Variants in KCNQ1 observed in about 807,000 individuals in gnomAD.
The protein encoded by KCNQ1 is potassium voltage-gated channel subfamily Q member 1.
KCNQ1 carries 49 observed loss-of-function variants against 72.4 expected under a neutral mutation model. The ratio of observed to expected loss-of-function variants is 0.68; its 90% CI spans 0.54 to 0.86. The LOEUF (loss-of-function observed/expected upper bound fraction) is 0.86, where lower values mean the gene tolerates loss of function less well. Ranked by LOEUF, KCNQ1 falls within the 40% of genes least tolerant of loss-of-function variation. The pLI is 0.00. For missense variants in KCNQ1, 790 were observed against 945.1 expected, an observed-to-expected ratio of 0.84 and a Z score of 2.15; for synonymous variants, 450 against 412.6, an observed-to-expected ratio of 1.09 and a Z score of -1.10.
At chr11:2,615,223 A>T (rs982460610) in intron 10 of KCNQ1, 7 of 398,064 alleles carry the variant, frequency 1.8e-5, no homozygotes, top group African/African-American at 1.4e-4. Flanking sequence ...TAGAGGCACA[A>T]ATGATTTTCT....
At position 2,775,977 on chromosome 11, in the gene KCNQ1, C is replaced by T. The variant is rs138551008; in HGVS notation, c.1608C>T (p.Tyr536=). 63 of 1,565,412 alleles carry T rather than the reference C, an allele frequency of 4.0e-5. No homozygotes were observed. In the South Asian group the frequency reaches 5.4e-4, roughly 13 times the overall value. ...TCCCGCAGCAAGCGCGGAAGCCTTA[C>T]GATGTGCGGGACGTCATTGAGCAGT... ...KKKFQQARKP[Y]DVRDVIEQYS... Residue 536 remains tyrosine, a synonymous_variant, in exon 13 of 16, where the codon TAC becomes TAT. Transcript: ENST00000155840.
Position 2,724,108 on chromosome 11 carries a change from C to A in KCNQ1, c.1515-44736C>A, listed in dbSNP as rs922700204. On this transcript the variant is annotated intron_variant, in intron 11 of 15. Transcript: ENST00000155840. The surrounding 1 kb of genome is among the most constrained non-coding windows in gnomAD (Gnocchi z 6.8). ...GGGGCCCAGGCTTTTGATAGAGAAT[C>A]ACATCTGGACCAGGACGTTCTGGTA... 1.3e-5 allele frequency among the ~76,000 whole-genome samples: 2 copies of A among 152,172 alleles called. No individual in the cohort carries two copies. The highest frequency in any genetic ancestry group is 2.9e-5 in the Non-Finnish European group (2 of 68,042).
In KCNQ1 at chr11:2,668,878, C is replaced by T. The variant is rs1000837497; in HGVS notation, c.1514+6797C>T. The T allele has an allele frequency of 1.3e-5, 5 of 398,490 alleles. No individual in the cohort carries two copies. The highest frequency in any genetic ancestry group is 2.2e-5 in the Non-Finnish European group (5 of 226,074). The allele number at this position is 398,490 out of a possible 1,614,324, so 24.7% of individuals were successfully genotyped here. A position where few individuals can be genotyped will look rare whatever the true frequency, so the allele number is the denominator to read the frequency against. Reference sequence around the variant, plus strand: ...TCCTATTTAAGAAACTTTGACTACTCCAAGGTCATAAAGATATTCTGGTTT... The same window carrying T: ...TCCTATTTAAGAAACTTTGACTACTTCAAGGTCATAAAGATATTCTGGTTT... On this transcript the variant is annotated intron_variant, in intron 11 of 15. Coordinates refer to ENST00000155840, the MANE Select transcript of KCNQ1 (RefSeq NM_000218.3). The surrounding 1 kb of genome is among the most constrained non-coding windows in gnomAD (Gnocchi z 4.3).
At chr11:2,771,570 G>A (rs1339724483) in intron 12 of KCNQ1, 1 of 152,272 alleles carries the variant, frequency 6.6e-6, no homozygotes. Flanking sequence ...ATCTTTCAGA[G>A]TGCAAAGTGA....
In KCNQ1 at chr11:2,654,778, C is replaced by A. The variant is rs1227836977; in HGVS notation, c.1394-7183C>A. ...GATGAGAAGGCAGAGGAAGTGAGAC[C>A]AGAATTTCTTGGGAACAGAAAGCCT... On this transcript the variant is annotated intron_variant, in intron 10 of 15. Transcript: ENST00000155840. The surrounding 1 kb of genome is among the most constrained non-coding windows in gnomAD (Gnocchi z 6.4). 1 of 398,554 alleles carries A rather than the reference C, an allele frequency of 2.5e-6. No homozygotes were observed. The highest frequency in any genetic ancestry group is 4.4e-6 in the Non-Finnish European group (1 of 226,162). The allele number at this position is 398,554 out of a possible 1,614,324, so 24.7% of individuals were successfully genotyped here.
chr11:2,624,786 A>C lies in KCNQ1; in HGVS notation c.1393+35932A>C, dbSNP rs1849237198. ...TCTTGGAAACCACCTTGTACTTTCT[A>C]TGTCTCTGATTTGACTATTCTACAT... On this transcript the variant is annotated intron_variant, in intron 10 of 15. Transcript: ENST00000155840. The surrounding 1 kb of genome is among the most constrained non-coding windows in gnomAD (Gnocchi z 4.9). The C allele has an allele frequency of 2.5e-6, 1 of 398,380 alleles. No individual in the cohort carries two copies. The highest frequency in any genetic ancestry group is 4.4e-5 in the Admixed American group (1 of 22,712). The allele number at this position is 398,380 out of a possible 1,614,324, so 24.7% of individuals were successfully genotyped here.
intron 1 of KCNQ1, among the ~76,000 whole-genome samples, chr11:2,499,150 T>G (rs1256584440): frequency 6.7e-6 from 1 of 149,000 alleles, no homozygotes; most frequent in Non-Finnish European, 1.5e-5. Flanking sequence ...AGACTGGAGC[T>G]CTTCCTATTC....
chr11:2,569,095 A>G (rs944737272), intron 2 of KCNQ1, among the ~76,000 whole-genome samples: 1 of 152,174 alleles, frequency 6.6e-6, no homozygotes, highest in African/African-American at 2.4e-5. Flanking sequence ...CATGTTGATC[A>G]GGCTGGTCTT....
chr11:2,765,353 A>G (rs1231284150), intron 11 of KCNQ1, among the ~76,000 whole-genome samples: 3 of 152,224 alleles, frequency 2.0e-5, no homozygotes, highest in Non-Finnish European at 4.4e-5. Context: ...GTAGTCAGAG[A>G]GCATAATAAA....
rs535248934 is a variant in KCNQ1, at chr11:2,700,665, G to C, written c.1514+38584G>C. Among the ~76,000 whole-genome samples the C allele has an allele frequency of 7.9e-5, 12 of 152,228 alleles. No homozygotes were observed. In the South Asian group the frequency reaches 2.5e-3, roughly 32 times the overall value. ...CACCCCTGAGGACTTGGGACCTCAG[G>C]GGGTGAGTGGCAGGGGTGGCCGGGA... On this transcript the variant is annotated intron_variant, in intron 11 of 15. Transcript: ENST00000155840.
rs1848461822 is a variant in KCNQ1, at chr11:2,579,109, G to C, written c.922-4326G>C. Among the ~76,000 whole-genome samples, 2 of 152,214 alleles carry C rather than the reference G, an allele frequency of 1.3e-5. No homozygotes were observed. Among genetic ancestry groups the C allele is most frequent in the Admixed American group, 1.3e-4 (2 of 15,290 alleles). On this transcript the variant is annotated intron_variant, in intron 6 of 15. Transcript: ENST00000155840. This position sits in a 1 kb window ranked among gnomAD's most constrained non-coding sequence, Gnocchi z 6.0. ...CAAATGACTACCACGTTTCCAGCCG[G>C]GGCCAGTGAGCTCTGGGAGCCAGGG...
chr11:2,811,007 A>G (rs1049761613), intron 15 of KCNQ1, among the ~76,000 whole-genome samples: 1 of 152,168 alleles, frequency 6.6e-6, no homozygotes, highest in African/African-American at 2.4e-5. Context: ...CCTTCCCAGC[A>G]TGGCATTCAG....
intron 11 of KCNQ1, chr11:2,700,018 C>T (rs966209604): frequency 3.8e-5 from 15 of 398,098 alleles, no homozygotes; most frequent in Admixed American, 3.5e-4. Flanking sequence ...GGCAGCGCTC[C>T]GACTGCCCCC....
At chr11:2,454,695 GA>G (rs1285744505) in intron 1 of KCNQ1, among the ~76,000 whole-genome samples, 8 of 152,022 alleles carry the variant, frequency 5.3e-5, no homozygotes, top group African/African-American at 1.9e-4. Flanking sequence ...AATAGATGTA[GA>G]AAAAAACTTT....
chr11:2,776,125 G>A, intron 13 of KCNQ1, 71 bp downstream of exon 13: 1 of 1,327,390 alleles, frequency 7.5e-7, no homozygotes, highest in South Asian at 1.3e-5. Context: ...TGCATGATCA[G>A]CGGTGCCGGA....
chr11:2,723,465 C>T lies in KCNQ1; in HGVS notation c.1515-45379C>T, dbSNP rs1039957057. The stretch of plus-strand genomic sequence containing the variant: ...AGCTGTTAGGTGAGACCAGGTGGTA[C>T]TTGGCAGCTGTGGCACGTGGAAGCC... On this transcript the variant is annotated intron_variant, in intron 11 of 15. Coordinates refer to ENST00000155840, the MANE Select transcript of KCNQ1 (RefSeq NM_000218.3). This position sits in a 1 kb window ranked among gnomAD's most constrained non-coding sequence, Gnocchi z 4.2. Among the ~76,000 whole-genome samples, 2 of 152,218 alleles carry T rather than the reference C, an allele frequency of 1.3e-5. No homozygotes were observed. Among genetic ancestry groups the T allele is most frequent in the African/African-American group, 4.8e-5 (2 of 41,456 alleles).
At chr11:2,835,085 C>A (rs365997) in intron 15 of KCNQ1, among the ~76,000 whole-genome samples, 3 of 152,044 alleles carry the variant, frequency 2.0e-5, no homozygotes. Context: ...GGTGCAGGCC[C>A]GGGGGCTGGG....
chr11:2,459,839 A>G (rs151109826), intron 1 of KCNQ1, among the ~76,000 whole-genome samples: 1 of 152,244 alleles, frequency 6.6e-6, no homozygotes, highest in South Asian at 2.1e-4. Flanking sequence ...CATGCAGCAC[A>G]GGTGGCCAAA....
rs1354183297 is a variant in KCNQ1 at position 2,507,193 on chromosome 11, A to G, written c.387-20735A>G. ...GTTTGGGGTCTTGTCTTCAGCATTT[A>G]GCTCCTTGTCCGTTTGGAGTTTGCT... On this transcript the variant is annotated intron_variant, in intron 1 of 15. Transcript: ENST00000155840. This position sits in a 1 kb window ranked among gnomAD's most constrained non-coding sequence, Gnocchi z 5.4. 6.6e-6 allele frequency among the ~76,000 whole-genome samples: 1 copy of G among 152,178 alleles called. No homozygotes were observed. Among genetic ancestry groups the G allele is most frequent in the Non-Finnish European group, 1.5e-5 (1 of 68,038 alleles).
Sources: gnomAD v4.1 joint callset for allele counts (sites outside exome capture counted in the v4.1 genomes callset) on GRCh38, gnomAD v4.1.1 for gene constraint, Gnocchi (gnomAD v3.1) non-coding constraint, MANE v1.5 for transcripts, NCBI Gene and HGNC (gene_info 2026-07-23, HGNC 2026-07-21) for gene names.